ANO2: variants seen among roughly 807,000 people sequenced by gnomAD.
The protein encoded by ANO2 is anoctamin-2.
In ANO2, 101 loss-of-function variants were observed where a neutral mutation model predicts 124.2. That is an observed-to-expected ratio of 0.81 (90% CI 0.69 to 0.96). ANO2 has a LOEUF of 0.96. Ranked by LOEUF, ANO2 falls within the 40% of genes least tolerant of loss-of-function variation. The pLI, the probability that ANO2 is intolerant of heterozygous loss-of-function variation, is 0.00. For synonymous variants in ANO2, 486 were observed against 482.5 expected, an observed-to-expected ratio of 1.01 and a Z score of -0.09; for missense variants, 1,293 against 1,274.5, an observed-to-expected ratio of 1.01 and a Z score of -0.22.
At chr12:5,646,976 T>A (rs896515924) in intron 15 of ANO2, among the ~76,000 whole-genome samples, 2 of 152,206 alleles carry the variant, frequency 1.3e-5, no homozygotes, top group African/African-American at 4.8e-5. Flanking sequence ...ACCCTGCAAC[T>A]AATGTGTAGC....
chr12:5,893,044 A>C (rs1278938157), intron 3 of ANO2, among the ~76,000 whole-genome samples: 1 of 152,192 alleles, frequency 6.6e-6, no homozygotes, highest in Admixed American at 6.5e-5. Context: ...TGAAGTGGTA[A>C]AATATTTATT....
At chr12:5,919,914 A>T (rs150458774) in intron 3 of ANO2, among the ~76,000 whole-genome samples, 23 of 151,802 alleles carry the variant, frequency 1.5e-4, no homozygotes, top group African/African-American at 5.3e-4. Context: ...AGCCAGAATG[A>T]TCTCGATCTC....
At chr12:5,647,629 T>A (rs444834) in intron 15 of ANO2, 98 bp downstream of exon 15, 3 of 1,019,184 alleles carry the variant, frequency 2.9e-6, no homozygotes, top group Admixed American at 4.0e-5. Flanking sequence ...TTTACCAGCC[T>A]CTCATTATTT....
chr12:5,873,534 G>A (rs947254683), intron 3 of ANO2, among the ~76,000 whole-genome samples: 1 of 152,234 alleles, frequency 6.6e-6, no homozygotes, highest in Admixed American at 6.5e-5. Flanking sequence ...GCAGGCTAGA[G>A]GAAGCCAAGG....
chr12:5,834,948 T>C (rs2137223154), intron 4 of ANO2, among the ~76,000 whole-genome samples: 1 of 152,342 alleles, frequency 6.6e-6, no homozygotes, highest in South Asian at 2.1e-4. Flanking sequence ...ATATCATAGA[T>C]ATCTTTCCAG....
chr12:5,786,604 G>A (rs1029796267), intron 10 of ANO2, among the ~76,000 whole-genome samples: 2 of 152,068 alleles, frequency 1.3e-5, no homozygotes, highest in African/African-American at 4.8e-5. Flanking sequence ...CTCACTTAAG[G>A]AAACAGGGCT....
At chr12:5,615,161 C>G in intron 17 of ANO2, 25 bp downstream of exon 17, 1 of 1,596,280 alleles carries the variant, frequency 6.3e-7, no homozygotes. Flanking sequence ...AATTGCCTTT[C>G]TACACATGAC....
chr12:5,737,815 T>A (rs962678075), intron 13 of ANO2, among the ~76,000 whole-genome samples: 21 of 152,222 alleles, frequency 1.4e-4, no homozygotes, highest in African/African-American at 5.1e-4. Context: ...TTTGGGAATT[T>A]TCCCGCAAGA....
intron 20 of ANO2, among the ~76,000 whole-genome samples, chr12:5,589,539 C>T (rs1025137951): frequency 6.6e-6 from 1 of 152,104 alleles, no homozygotes; most frequent in African/African-American, 2.4e-5. Flanking sequence ...ATTCAGTTAC[C>T]CCCCTTTACA....
chr12:5,932,683 A>G (rs1218763132), intron 1 of ANO2, among the ~76,000 whole-genome samples: 2 of 150,670 alleles, frequency 1.3e-5, no homozygotes, highest in African/African-American at 2.4e-5. Flanking sequence ...GTAGACGAGT[A>G]AGGAAGGAAG....
At chr12:5,871,081 A>G (rs898824737) in intron 3 of ANO2, among the ~76,000 whole-genome samples, 7 of 152,204 alleles carry the variant, frequency 4.6e-5, no homozygotes, top group African/African-American at 9.6e-5. Context: ...AAGGCACCAC[A>G]TGGGCTCTCC....
At chr12:5,567,774 T>A (rs969113306) in intron 23 of ANO2, among the ~76,000 whole-genome samples, 1 of 152,218 alleles carries the variant, frequency 6.6e-6, no homozygotes, top group Non-Finnish European at 1.5e-5. Flanking sequence ...AAAACATGTT[T>A]TAAGTTTAAC....
intron 11 of ANO2, among the ~76,000 whole-genome samples, chr12:5,749,694 T>C (rs914065559): frequency 1.3e-5 from 2 of 152,258 alleles, no homozygotes; most frequent in African/African-American, 2.4e-5. Context: ...ATTCTAAATA[T>C]TAGCTAAGTG....
At chr12:5,889,164 G>C (rs12303649) in intron 3 of ANO2, among the ~76,000 whole-genome samples, 28,427 of 152,082 alleles carry the variant, frequency 0.19, 2,953 homozygotes, top group Middle Eastern at 0.28. Flanking sequence ...CCAAGCCCAC[G>C]CCCACCCAGA....
At chr12:5,919,411 G>A (rs1941567512) in intron 3 of ANO2, among the ~76,000 whole-genome samples, 1 of 146,022 alleles carries the variant, frequency 6.8e-6, no homozygotes, top group Non-Finnish European at 1.5e-5. Flanking sequence ...ACAAAGACCT[G>A]AGGTCAAGGT....
rs1182830669 is a variant in ANO2, at chr12:5,787,328, T to C, written c.1055+12179A>G. The stretch of plus-strand genomic sequence containing the variant: ...TCAATGATGTACCCTTTCCTTAGGG[T>C]ACGGTCCAAAATCCCTAACCAGCCC... On this transcript the variant is annotated intron_variant, in intron 10 of 24. Transcript: ENST00000682330. This position sits in a 1 kb window ranked among gnomAD's most constrained non-coding sequence, Gnocchi z 4.2. Among the ~76,000 whole-genome samples the C allele has an allele frequency of 6.6e-6, 1 of 152,070 alleles. No individual in the cohort carries two copies. The highest frequency in any genetic ancestry group is 2.4e-5 in the African/African-American group (1 of 41,414).
chr12:5,633,648 T>C (rs1945849212), intron 16 of ANO2, among the ~76,000 whole-genome samples: 1 of 152,016 alleles, frequency 6.6e-6, no homozygotes, highest in African/African-American at 2.4e-5. Context: ...CATCGTGCCC[T>C]GGATGTGCCC....
At chr12:5,941,763 G>A (rs1387320906) in intron 1 of ANO2, among the ~76,000 whole-genome samples, 2 of 151,268 alleles carry the variant, frequency 1.3e-5, no homozygotes, top group Admixed American at 6.6e-5. Flanking sequence ...AAATTCAAAA[G>A]AGATTATACA....
Position 5,792,275 on chromosome 12 carries a change from A to AT in ANO2, c.1055+7231dup, listed in dbSNP as rs142770169. 5.6e-3 allele frequency among the ~76,000 whole-genome samples: 850 copies of AT among 152,320 alleles called. 8 individuals are homozygous for AT. The highest frequency in any genetic ancestry group is 0.016 in the African/African-American group (667 of 41,568). On this transcript the variant is annotated intron_variant, in intron 10 of 24. Coordinates refer to ENST00000682330, the MANE Select transcript of ANO2 (RefSeq NM_001364791.2). ...AGGTGCGTCAGGGTCTGATGAACAC[A>AT]TACACAGGCACATTACCCATCTTTT...
Sources: allele counts gnomAD v4.1 joint callset (sites outside exome capture counted in the v4.1 genomes callset), GRCh38; gene constraint gnomAD v4.1.1; non-coding constraint Gnocchi (gnomAD v3.1); transcripts MANE v1.5; gene names NCBI Gene and HGNC (gene_info 2026-07-23, HGNC 2026-07-21).